Variants in TGFBR2 observed in about 807,000 individuals in gnomAD.
The protein encoded by TGFBR2 is transforming growth factor beta receptor 2.
In TGFBR2, 18 loss-of-function variants were observed where a neutral mutation model predicts 49.0. That is an observed-to-expected ratio of 0.37 (90% CI 0.25 to 0.54). The LOEUF (loss-of-function observed/expected upper bound fraction) is 0.54, where lower values mean the gene tolerates loss of function less well. Ranked by LOEUF, TGFBR2 falls within the 20% of genes least tolerant of loss-of-function variation. The probability of loss-of-function intolerance (pLI) is 0.85; values close to 1 mark genes in which losing one functional copy is unlikely to be tolerated. For synonymous variants in TGFBR2, 282 were observed against 275.9 expected (o/e 1.02, Z -0.22); for missense variants, 525 against 722.6 (o/e 0.73, Z 3.13).
At chr3:30,633,339 A>G (rs914556239) in intron 1 of TGFBR2, among the ~76,000 whole-genome samples, 2 of 152,230 alleles carry the variant, frequency 1.3e-5, no homozygotes, top group Admixed American at 1.3e-4. Context: ...GATCATGGTA[A>G]TAATAATTAT....
chr3:30,617,293 G>C (rs1698150328), intron 1 of TGFBR2, among the ~76,000 whole-genome samples: 1 of 152,104 alleles, frequency 6.6e-6, no homozygotes, highest in South Asian at 2.1e-4. Flanking sequence ...CGTAGACTAG[G>C]AATCTTTCAA....
chr3:30,628,553 T>TC (rs1698379867), intron 1 of TGFBR2, among the ~76,000 whole-genome samples: 1 of 134,182 alleles, frequency 7.5e-6, no homozygotes, highest in Non-Finnish European at 1.6e-5. Context: ...TTTTTTTTTT[T>TC]CTCTAAAATG....
chr3:30,630,954 C>T (rs1698425695), intron 1 of TGFBR2, among the ~76,000 whole-genome samples: 1 of 151,998 alleles, frequency 6.6e-6, no homozygotes, highest in African/African-American at 2.4e-5. Flanking sequence ...ATAAATCACC[C>T]AGTCTCACAT....
chr3:30,652,177 A>G (rs974556713), intron 3 of TGFBR2, among the ~76,000 whole-genome samples: 2 of 134,494 alleles, frequency 1.5e-5, no homozygotes, highest in African/African-American at 5.7e-5. Context: ...CTTCCTTCCT[A>G]TGTTCTCATC....
At chr3:30,663,602 G>C (rs1699186212) in intron 3 of TGFBR2, among the ~76,000 whole-genome samples, 1 of 152,098 alleles carries the variant, frequency 6.6e-6, no homozygotes, top group Admixed American at 6.5e-5. Context: ...TGCATACTTG[G>C]ATGATAAAAC....
chr3:30,606,825 C>T lies in TGFBR2; in HGVS notation c.-59C>T, dbSNP rs1002352692. 1 of 1,242,718 alleles carries T rather than the reference C, an allele frequency of 8.0e-7. No homozygotes were observed. Among genetic ancestry groups the T allele is most frequent in the Middle Eastern group, 2.4e-4 (1 of 4,206 alleles). 77.0% of individuals were successfully genotyped at this position (1,242,718 alleles called of 1,614,324 possible). On this transcript the variant is annotated 5_prime_UTR_variant, in exon 1 of 7. Transcript: ENST00000295754. Reference sequence around the variant, plus strand: ...CGGCGCGGAGGCGCAGCCAGGGGTCCGGGAAGGCGCCGTCCGCTGCGCTGG... The same window carrying T: ...CGGCGCGGAGGCGCAGCCAGGGGTCTGGGAAGGCGCCGTCCGCTGCGCTGG...
chr3:30,632,160 G>T (rs1698449921), intron 1 of TGFBR2, among the ~76,000 whole-genome samples: 1 of 152,140 alleles, frequency 6.6e-6, no homozygotes, highest in Admixed American at 6.6e-5. Context: ...AGCCAAACAT[G>T]ATTTTATTTC....
At position 30,691,796 on chromosome 3, in the gene TGFBR2, T is replaced by C. The variant is rs1699715086; in HGVS notation, c.*197T>C. On this transcript the variant is annotated 3_prime_UTR_variant, in exon 7 of 7. Coordinates refer to ENST00000295754, the MANE Select transcript of TGFBR2 (RefSeq NM_003242.6). Reference sequence around the variant, plus strand: ...ATAGAGCATTCTATGCCTTTGACATTGTCATAGGATAAGCTGTGTTAGCAC... The same window carrying C: ...ATAGAGCATTCTATGCCTTTGACATCGTCATAGGATAAGCTGTGTTAGCAC... 13 of 609,444 alleles carry C rather than the reference T, an allele frequency of 2.1e-5. 1 individual carries two copies. The South Asian group carries it at 2.4e-4, about 11-fold the overall frequency. The allele number at this position is 609,444 out of a possible 1,614,324, so 37.8% of individuals were successfully genotyped here.
chr3:30,691,942 T>C lies in TGFBR2; in HGVS notation c.*343T>C, dbSNP rs1699718341. On this transcript the variant is annotated 3_prime_UTR_variant, in exon 7 of 7. Coordinates refer to ENST00000295754, the MANE Select transcript of TGFBR2 (RefSeq NM_003242.6). ...ATATATATATATCTATATATGTCTA[T>C]AGCTCTATATATATAGCCATACCTT... The C allele has an allele frequency of 9.1e-6, 2 of 219,694 alleles. No individual in the cohort carries two copies. The highest frequency in any genetic ancestry group is 3.5e-4 in the South Asian group (2 of 5,712). The allele number at this position is 219,694 out of a possible 1,614,324, so 13.6% of individuals were successfully genotyped here. A position where few individuals can be genotyped will look rare whatever the true frequency, so the allele number is the denominator to read the frequency against.
chr3:30,623,516 C>A (rs1698274661), intron 1 of TGFBR2, among the ~76,000 whole-genome samples: 1 of 152,202 alleles, frequency 6.6e-6, no homozygotes, highest in Non-Finnish European at 1.5e-5. Flanking sequence ...GTCCACCCAT[C>A]ATAAGAGATT....
chr3:30,644,530 C>G (rs1408304734), intron 1 of TGFBR2, among the ~76,000 whole-genome samples: 1 of 152,120 alleles, frequency 6.6e-6, no homozygotes, highest in Non-Finnish European at 1.5e-5. Context: ...CTCAACCACC[C>G]CAACCCCTCA....
intron 1 of TGFBR2, among the ~76,000 whole-genome samples, chr3:30,610,894 C>T (rs1424937927): frequency 1.3e-5 from 2 of 152,200 alleles, no homozygotes; most frequent in Admixed American, 6.5e-5. Flanking sequence ...TGTCACTACA[C>T]ATACACACAA....
chr3:30,636,155 A>G lies in TGFBR2; in HGVS notation c.95-8592A>G, dbSNP rs112405303. Among the ~76,000 whole-genome samples, 441 of 134,720 alleles carry G rather than the reference A, an allele frequency of 3.3e-3. 5 individuals are homozygous for G. Among genetic ancestry groups the G allele is most frequent in the East Asian group, 0.015 (65 of 4,426 alleles). 88.4% of individuals were successfully genotyped at this position (134,720 alleles called of 152,430 possible). On this transcript the variant is annotated intron_variant, in intron 1 of 6. Coordinates refer to ENST00000295754, the MANE Select transcript of TGFBR2 (RefSeq NM_003242.6). The stretch of plus-strand genomic sequence containing the variant: ...AGTTTCAGTGTGAAAATATATATGT[A>G]TGTGTGTGTGTGTGTGTGTGTGTGT...
At chr3:30,638,405 T>C (rs904643747) in intron 1 of TGFBR2, among the ~76,000 whole-genome samples, 6 of 152,214 alleles carry the variant, frequency 3.9e-5, no homozygotes, top group Non-Finnish European at 8.8e-5. Context: ...CACTTGTCTC[T>C]GTTTTCTTCC....
At chr3:30,688,291 T>G in intron 5 of TGFBR2, 93 bp from the exon 6 acceptor site, 1 of 1,554,714 alleles carries the variant, frequency 6.4e-7, no homozygotes, top group Non-Finnish European at 8.9e-7. Context: ...ACTTAGTGCT[T>G]CATGCTCCCC....
At chr3:30,616,487 A>G (rs1232880090) in intron 1 of TGFBR2, among the ~76,000 whole-genome samples, 1 of 152,136 alleles carries the variant, frequency 6.6e-6, no homozygotes, top group Non-Finnish European at 1.5e-5. Flanking sequence ...AGACTAAGGT[A>G]TGTTGTACCA....
chr3:30,667,813 T>G (rs925643190), intron 3 of TGFBR2, among the ~76,000 whole-genome samples: 2 of 152,194 alleles, frequency 1.3e-5, no homozygotes, highest in African/African-American at 4.8e-5. Flanking sequence ...ATATTTAAAT[T>G]TTTTCAAATT....
chr3:30,648,533 T>G (rs994355248), intron 2 of TGFBR2, among the ~76,000 whole-genome samples: 11 of 151,930 alleles, frequency 7.2e-5, no homozygotes, highest in Admixed American at 1.3e-4. Context: ...GCCAAGTAGC[T>G]TTGGGGTTAA....
intron 1 of TGFBR2, among the ~76,000 whole-genome samples, chr3:30,635,482 G>A (rs941349109): frequency 6.6e-5 from 10 of 152,118 alleles, no homozygotes; most frequent in African/African-American, 2.4e-4. Flanking sequence ...CATTGGGGCT[G>A]GTAAGTGTTA....
Sources: allele counts gnomAD v4.1 joint callset (sites outside exome capture counted in the v4.1 genomes callset), GRCh38; gene constraint gnomAD v4.1.1; transcripts MANE v1.5; gene names NCBI Gene and HGNC (gene_info 2026-07-23, HGNC 2026-07-21).